RFTN1: variants seen among roughly 807,000 people sequenced by gnomAD.
The protein encoded by RFTN1 is raftlin, lipid raft linker 1.
A neutral mutation model predicts 46.5 loss-of-function variants in RFTN1; 26 were observed. The observed-to-expected ratio is 0.56, with a 90% CI of 0.41 to 0.78. The LOEUF (loss-of-function observed/expected upper bound fraction) is 0.78, where lower values mean the gene tolerates loss of function less well. RFTN1 is among the 30% of genes least tolerant of loss of function. The pLI is 0.00. For synonymous variants in RFTN1, 261 were observed against 284.2 expected, an observed-to-expected ratio of 0.92 and a Z score of 0.82; for missense variants, 693 against 718.7, an observed-to-expected ratio of 0.96 and a Z score of 0.41.
In RFTN1 at chr3:16,479,299, T is replaced by C. The variant is rs1443393074; in HGVS notation, c.145+14426A>G. 1.3e-5 allele frequency among the ~76,000 whole-genome samples: 2 copies of C among 152,236 alleles called. No individual in the cohort carries two copies. Among genetic ancestry groups the C allele is most frequent in the African/African-American group, 4.8e-5 (2 of 41,464 alleles). On this transcript the variant is annotated intron_variant, in intron 2 of 9. Transcript: ENST00000334133. This position sits in a 1 kb window ranked among gnomAD's most constrained non-coding sequence, Gnocchi z 5.1. ...AAGTAAATGGTATTAAGAAAAAAGATATTTTCTTGGTTTTTAGTTGTTTTA... is the reference window on the plus strand; with the variant it reads ...AAGTAAATGGTATTAAGAAAAAAGACATTTTCTTGGTTTTTAGTTGTTTTA...
chr3:16,396,345 G>A (rs2074469239), intron 4 of RFTN1, among the ~76,000 whole-genome samples: 1 of 152,150 alleles, frequency 6.6e-6, no homozygotes, highest in African/African-American at 2.4e-5. Flanking sequence ...CTGGAGTGCA[G>A]CAGCGTGATC....
intron 2 of RFTN1, among the ~76,000 whole-genome samples, chr3:16,486,764 A>G (rs1477524551): frequency 1.3e-5 from 2 of 152,204 alleles, no homozygotes. Flanking sequence ...TAAAATACCA[A>G]TCTATAGTCT....
chr3:16,454,572 A>G (rs1291701784), intron 2 of RFTN1, among the ~76,000 whole-genome samples: 1 of 152,210 alleles, frequency 6.6e-6, no homozygotes, highest in African/African-American at 2.4e-5. Flanking sequence ...GTTCCCAATC[A>G]ATTCATAATG....
At position 16,434,380 on chromosome 3, in the gene RFTN1, AC is replaced by A. The variant is rs1559345311; in HGVS notation, c.146-344del. Reference sequence around the variant, plus strand: ...CTCTCTTAAACAAACAAACAAACAAACAAACAAACAAACAAAAACAAAAAAA... The same window carrying A: ...CTCTCTTAAACAAACAAACAAACAAAAAACAAACAAACAAAAACAAAAAAA... On this transcript the variant is annotated intron_variant, in intron 2 of 9. Coordinates refer to ENST00000334133, the MANE Select transcript of RFTN1 (RefSeq NM_015150.2). Among the ~76,000 whole-genome samples, 809 of 143,902 alleles carry A rather than the reference AC, an allele frequency of 5.6e-3. 6 individuals are homozygous for A. The highest frequency in any genetic ancestry group is 0.019 in the African/African-American group (764 of 39,590). 94.4% of individuals were successfully genotyped at this position (143,902 alleles called of 152,430 possible).
In RFTN1 at chr3:16,409,306, G is replaced by A. The variant is rs73821503; in HGVS notation, c.441+69C>T. ...AGTGTGGCTGATCTGTCCTAAGGCA[G>A]CTACCTGCCTGTTCACTCAGGGGAA... is the stretch of plus-strand genomic sequence containing the variant. On this transcript the variant is annotated intron_variant, in intron 4 of 9. Transcript: ENST00000334133. The A allele has an allele frequency of 1.5e-3, 1,614 of 1,074,040 alleles. 16 individuals are homozygous for A. The African/African-American group carries it at 0.022, about 14-fold the overall frequency. The allele number at this position is 1,074,040 out of a possible 1,614,324, so 66.5% of individuals were successfully genotyped here. A position where few individuals can be genotyped will look rare whatever the true frequency, so the allele number is the denominator to read the frequency against.
rs751792074 is a variant in RFTN1, at chr3:16,327,182, C to T, written c.1147-306G>A. Among the ~76,000 whole-genome samples the T allele has an allele frequency of 2.0e-5, 3 of 152,150 alleles. No homozygotes were observed. The highest frequency in any genetic ancestry group is 2.1e-4 in the South Asian group (1 of 4,824). On this transcript the variant is annotated intron_variant, in intron 7 of 9. Transcript: ENST00000334133. The surrounding 1 kb of genome is among the most constrained non-coding windows in gnomAD (Gnocchi z 4.2). ...AATAGCCTCCTGTGAGTTTCACTGACGAAGCATAACTGTCTCACCTCTGAG... is the reference window on the plus strand; with the variant it reads ...AATAGCCTCCTGTGAGTTTCACTGATGAAGCATAACTGTCTCACCTCTGAG...
intron 8 of RFTN1, among the ~76,000 whole-genome samples, chr3:16,325,371 A>G (rs962330759): frequency 6.6e-6 from 1 of 152,208 alleles, no homozygotes; most frequent in Non-Finnish European, 1.5e-5. Context: ...AGGATTAGGA[A>G]GGATTATTTA....
At chr3:16,409,268 G>T (rs62236343) in intron 4 of RFTN1, 107 bp downstream of exon 4, 62,618 of 732,010 alleles carry the variant, frequency 0.086, 3,169 homozygotes, top group Middle Eastern at 0.13. Context: ...CACAGCTCTT[G>T]CATGGCCTCT....
Position 16,506,509 on chromosome 3 carries a change from T to C in RFTN1, c.-9+6933A>G, listed in dbSNP as rs1031837603. Among the ~76,000 whole-genome samples, 2 of 152,078 alleles carry C rather than the reference T, an allele frequency of 1.3e-5. No individual in the cohort carries two copies. Among genetic ancestry groups the C allele is most frequent in the African/African-American group, 4.8e-5 (2 of 41,398 alleles). On this transcript the variant is annotated intron_variant, in intron 1 of 9. Transcript: ENST00000334133. The surrounding 1 kb of genome is among the most constrained non-coding windows in gnomAD (Gnocchi z 4.8). ...GTGAGCAGTGGTCAAATTCTGTATA[T>C]GTTTTGAAGGCAGAAAACAGGATTG... is the stretch of plus-strand genomic sequence containing the variant.
rs1260121078 is a variant in RFTN1, at chr3:16,361,047, A to T, written c.1031-3000T>A. 2.0e-5 allele frequency among the ~76,000 whole-genome samples: 3 copies of T among 152,246 alleles called. No individual in the cohort carries two copies. Among genetic ancestry groups the T allele is most frequent in the Admixed American group, 1.3e-4 (2 of 15,290 alleles). On this transcript the variant is annotated intron_variant, in intron 6 of 9. Coordinates refer to ENST00000334133, the MANE Select transcript of RFTN1 (RefSeq NM_015150.2). The surrounding 1 kb of genome is among the most constrained non-coding windows in gnomAD (Gnocchi z 4.3). ...AGGTTATTAACAAGTTAATACAGGT[A>T]TAACACAAGTAAATGGACAACACAA...
At chr3:16,432,390 C>T (rs1183155607) in intron 3 of RFTN1, among the ~76,000 whole-genome samples, 3 of 152,076 alleles carry the variant, frequency 2.0e-5, no homozygotes, top group Admixed American at 2.0e-4. Context: ...TGGTGGCGTG[C>T]ACCTGTAGTC....
rs2076325660 is a variant in RFTN1 at position 16,479,014 on chromosome 3, A to G, written c.145+14711T>C. 1.3e-5 allele frequency among the ~76,000 whole-genome samples: 2 copies of G among 152,194 alleles called. No individual in the cohort carries two copies. The highest frequency in any genetic ancestry group is 2.4e-5 in the African/African-American group (1 of 41,430). ...ATTCACTAGGTACACAAGGCCGTGG[A>G]TACCAGTAGGCAGGGGTCACTGGGG... On this transcript the variant is annotated intron_variant, in intron 2 of 9. Coordinates refer to ENST00000334133, the MANE Select transcript of RFTN1 (RefSeq NM_015150.2). This position sits in a 1 kb window ranked among gnomAD's most constrained non-coding sequence, Gnocchi z 5.1.
intron 4 of RFTN1, among the ~76,000 whole-genome samples, chr3:16,406,169 G>A (rs904187724): frequency 1.3e-5 from 2 of 152,290 alleles, no homozygotes; most frequent in South Asian, 2.1e-4. Flanking sequence ...GGAGAGGTAC[G>A]TGGAATTGTC....
rs1457485614 is a variant in RFTN1 at position 16,329,994 on chromosome 3, T to C, written c.1147-3118A>G. ...GACTGCAAACCGGCTGCTTCTATTT[T>C]GCTCCGTTTTATTTCATTTTGTCAC... On this transcript the variant is annotated intron_variant, in intron 7 of 9. Transcript: ENST00000334133. The surrounding 1 kb of genome is among the most constrained non-coding windows in gnomAD (Gnocchi z 4.5). Among the ~76,000 whole-genome samples, 1 of 152,206 alleles carries C rather than the reference T, an allele frequency of 6.6e-6. No homozygotes were observed. The highest frequency in any genetic ancestry group is 2.4e-5 in the African/African-American group (1 of 41,446).
At position 16,498,289 on chromosome 3, in the gene RFTN1, C is replaced by T. The variant is rs1167571998; in HGVS notation, c.-8-4412G>A. Among the ~76,000 whole-genome samples the T allele has an allele frequency of 6.6e-6, 1 of 152,212 alleles. No homozygotes were observed. The highest frequency in any genetic ancestry group is 2.4e-5 in the African/African-American group (1 of 41,446). ...CAAATAGCTGAGTCTTAGCCAATCA[C>T]AGCAGCAGAATGCAGTCAATCACAG... is the stretch of plus-strand genomic sequence containing the variant. On this transcript the variant is annotated intron_variant, in intron 1 of 9. Coordinates refer to ENST00000334133, the MANE Select transcript of RFTN1 (RefSeq NM_015150.2). This position sits in a 1 kb window ranked among gnomAD's most constrained non-coding sequence, Gnocchi z 5.2.
intron 7 of RFTN1, among the ~76,000 whole-genome samples, chr3:16,328,784 C>T (rs560798380): frequency 2.0e-5 from 3 of 152,304 alleles, no homozygotes; most frequent in South Asian, 2.1e-4. Flanking sequence ...TGAGAACCAT[C>T]GCCTAGGTAA....
chr3:16,348,201 G>A lies in RFTN1; in HGVS notation c.1146+9731C>T, dbSNP rs770607397. 6.6e-6 allele frequency among the ~76,000 whole-genome samples: 1 copy of A among 152,080 alleles called. No individual in the cohort carries two copies. The highest frequency in any genetic ancestry group is 1.5e-5 in the Non-Finnish European group (1 of 68,028). Reference sequence around the variant, plus strand: ...AGCAGGGCTTTGCTAAGAGGCACAAGTGCTGCCTGTTTGAGGTGAAAGCAT... The same window carrying A: ...AGCAGGGCTTTGCTAAGAGGCACAAATGCTGCCTGTTTGAGGTGAAAGCAT... On this transcript the variant is annotated intron_variant, in intron 7 of 9. Transcript: ENST00000334133. The surrounding 1 kb of genome is among the most constrained non-coding windows in gnomAD (Gnocchi z 6.3).
At position 16,374,741 on chromosome 3, in the gene RFTN1, G is replaced by A. The variant is rs901525687; in HGVS notation, c.826+2977C>T. Reference sequence around the variant, plus strand: ...GAAGCTGTGGCAACGGAGACACTGAGGCTGTCCCTGCACAGGCTCAGGTGA... The same window carrying A: ...GAAGCTGTGGCAACGGAGACACTGAAGCTGTCCCTGCACAGGCTCAGGTGA... On this transcript the variant is annotated intron_variant, in intron 5 of 9. Coordinates refer to ENST00000334133, the MANE Select transcript of RFTN1 (RefSeq NM_015150.2). This position sits in a 1 kb window ranked among gnomAD's most constrained non-coding sequence, Gnocchi z 5.4. Among the ~76,000 whole-genome samples, 15 of 152,196 alleles carry A rather than the reference G, an allele frequency of 9.9e-5. No individual in the cohort carries two copies. The highest frequency in any genetic ancestry group is 3.6e-4 in the African/African-American group (15 of 41,444).
chr3:16,497,123 T>C (rs188723496), intron 1 of RFTN1, among the ~76,000 whole-genome samples: 52 of 152,322 alleles, frequency 3.4e-4, no homozygotes, highest in African/African-American at 1.2e-3. Context: ...CCAGCTTTGC[T>C]GTTTCTTGAT....
Sources: allele counts gnomAD v4.1 joint callset (sites outside exome capture counted in the v4.1 genomes callset), GRCh38; gene constraint gnomAD v4.1.1; non-coding constraint Gnocchi (gnomAD v3.1); transcripts MANE v1.5; gene names NCBI Gene and HGNC (gene_info 2026-07-23, HGNC 2026-07-21).